The following ATF7IP2 variants were observed in gnomAD, a reference collection of about 807,000 sequenced individuals.
ATF7IP2 encodes the protein activating transcription factor 7-interacting protein 2.
A neutral mutation model predicts 64.2 loss-of-function variants in ATF7IP2; 42 were observed. The observed-to-expected ratio is 0.65, with a 90% CI of 0.51 to 0.85. The LOEUF (loss-of-function observed/expected upper bound fraction) is 0.85, where lower values mean the gene tolerates loss of function less well. Among genes scored for constraint, ATF7IP2 ranks in the 40% least tolerant of loss-of-function variants. ATF7IP2 has a pLI of 0.00. For synonymous variants in ATF7IP2, 308 were observed against 272.8 expected (o/e 1.13, Z -1.27); for missense variants, 933 against 784.2 (o/e 1.19, Z -2.27).
intron 9 of ATF7IP2, among the ~76,000 whole-genome samples, chr16:10,466,201 T>TATATA (rs2049563166): frequency 6.6e-6 from 1 of 152,268 alleles, no homozygotes; most frequent in South Asian, 2.1e-4. Flanking sequence ...TATTCATTGC[T>TATATA]ATATAATATC....
chr16:10,444,436 G>A (rs538883777), intron 8 of ATF7IP2, among the ~76,000 whole-genome samples: 1 of 152,202 alleles, frequency 6.6e-6, no homozygotes, highest in African/African-American at 2.4e-5. Context: ...TTTTGATGAG[G>A]ACGTAATCTC....
intron 1 of ATF7IP2, chr16:10,386,506 T>G (rs2047206948): frequency 6.6e-6 from 1 of 152,208 alleles, no homozygotes; most frequent in African/African-American, 2.4e-5. Context: ...CGGATAAATC[T>G]CCACCTCCAC....
rs937279856 is a variant in ATF7IP2 at position 10,423,920 on chromosome 16, C to T, written c.-160+4297C>T. ...GTTCCATGTTCTCCAGTCATTGTTCCGGCACACGCATAGAAATATAGAGTG... is the reference window on the plus strand; with the variant it reads ...GTTCCATGTTCTCCAGTCATTGTTCTGGCACACGCATAGAAATATAGAGTG... On this transcript the variant is annotated intron_variant, in intron 3 of 13. Coordinates refer to ENST00000562102, the MANE Select transcript of ATF7IP2 (RefSeq NM_001393719.1). Among the ~76,000 whole-genome samples, 9 of 152,224 alleles carry T rather than the reference C, an allele frequency of 5.9e-5. No individual in the cohort carries two copies. The South Asian group carries it at 6.2e-4, about 11-fold the overall frequency.
chr16:10,402,868 G>C (rs2047562084), intron 1 of ATF7IP2, among the ~76,000 whole-genome samples: 1 of 150,476 alleles, frequency 6.6e-6, no homozygotes, highest in African/African-American at 2.5e-5. Flanking sequence ...GAGGTGAGGA[G>C]TTCAAGACCA....
At chr16:10,463,590 C>T (rs543166936) in intron 9 of ATF7IP2, among the ~76,000 whole-genome samples, 1 of 152,284 alleles carries the variant, frequency 6.6e-6, no homozygotes, top group East Asian at 1.9e-4. Flanking sequence ...CTCTGACCCC[C>T]AGCCCTGGTC....
At chr16:10,438,618 G>T (rs973935817) in intron 7 of ATF7IP2, among the ~76,000 whole-genome samples, 1 of 152,092 alleles carries the variant, frequency 6.6e-6, no homozygotes, top group Admixed American at 6.6e-5. Context: ...AAAACAATAA[G>T]GGAAGACATA....
intron 6 of ATF7IP2, among the ~76,000 whole-genome samples, chr16:10,436,349 G>A (rs948308270): frequency 4.6e-5 from 7 of 151,912 alleles, no homozygotes; most frequent in South Asian, 2.1e-4. Context: ...GCAACAGAGC[G>A]AGACTCTGTC....
At position 10,389,200 on chromosome 16, in the gene ATF7IP2, T is replaced by A. The variant is rs570071699; in HGVS notation, c.-242+3078T>A. ...GGTTTATAAGAAGGTTCAGTTGATA[T>A]CTCCAGGAAAAGACAAACTACTGTG... On this transcript the variant is annotated intron_variant, in intron 1 of 13. Coordinates refer to ENST00000562102, the MANE Select transcript of ATF7IP2 (RefSeq NM_001393719.1). Among the ~76,000 whole-genome samples, 8 of 152,136 alleles carry A rather than the reference T, an allele frequency of 5.3e-5. No individual in the cohort carries two copies. In the East Asian group the frequency reaches 1.5e-3, roughly 29 times the overall value.
intron 1 of ATF7IP2, among the ~76,000 whole-genome samples, chr16:10,399,365 A>G (rs1351207591): frequency 1.3e-5 from 2 of 152,208 alleles, no homozygotes; most frequent in African/African-American, 4.8e-5. Context: ...ATTTTTAAGT[A>G]TGGTAACAGA....
At chr16:10,406,413 A>G (rs2047640911) in intron 1 of ATF7IP2, among the ~76,000 whole-genome samples, 2 of 152,166 alleles carry the variant, frequency 1.3e-5, no homozygotes, top group South Asian at 4.1e-4. Flanking sequence ...GCCAACCTAA[A>G]ATAATTAACC....
chr16:10,441,551 T>A (rs1044230027), intron 8 of ATF7IP2, among the ~76,000 whole-genome samples: 7 of 152,238 alleles, frequency 4.6e-5, no homozygotes, highest in Admixed American at 3.9e-4. Flanking sequence ...AAATGTCTTC[T>A]TTGGAGAAGT....
chr16:10,403,379 G>C (rs561202254), intron 1 of ATF7IP2, among the ~76,000 whole-genome samples: 1 of 152,038 alleles, frequency 6.6e-6, no homozygotes, highest in Non-Finnish European at 1.5e-5. Context: ...ACCACACTAA[G>C]GCTTTTTAGA....
chr16:10,387,312 G>A (rs1292747455), intron 1 of ATF7IP2: 1 of 152,172 alleles, frequency 6.6e-6, no homozygotes, highest in Non-Finnish European at 1.5e-5. Context: ...TTCTTAGCTC[G>A]TTTATTCTGC....
rs548569098 is a variant in ATF7IP2 at position 10,423,930 on chromosome 16, A to T, written c.-160+4307A>T. ...CTCCAGTCATTGTTCCGGCACACGC[A>T]TAGAAATATAGAGTGTGGAGCAGGA... On this transcript the variant is annotated intron_variant, in intron 3 of 13. Transcript: ENST00000562102. Among the ~76,000 whole-genome samples the T allele has an allele frequency of 2.6e-5, 4 of 152,350 alleles. No homozygotes were observed. In the East Asian group the frequency reaches 7.7e-4, roughly 29 times the overall value.
At chr16:10,411,355 T>TG (rs796214537) in intron 1 of ATF7IP2, among the ~76,000 whole-genome samples, 5 of 123,426 alleles carry the variant, frequency 4.1e-5, no homozygotes, top group East Asian at 2.5e-4. Flanking sequence ...CTTTTTGTTT[T>TG]TTTTTTTTTG....
intron 1 of ATF7IP2, among the ~76,000 whole-genome samples, chr16:10,408,728 T>C (rs1034562138): frequency 5.9e-5 from 9 of 152,238 alleles, no homozygotes; most frequent in Non-Finnish European, 1.2e-4. Context: ...CCTTGTAGAC[T>C]CTAGATATTA....
intron 7 of ATF7IP2, among the ~76,000 whole-genome samples, chr16:10,439,637 A>G (rs1330036309): frequency 2.1e-5 from 3 of 146,132 alleles, no homozygotes; most frequent in African/African-American, 7.6e-5. Flanking sequence ...GGTTCAAGCG[A>G]GTCTCCTGCC....
At chr16:10,431,827 T>C (rs1223343113) in intron 5 of ATF7IP2, among the ~76,000 whole-genome samples, 2 of 143,892 alleles carry the variant, frequency 1.4e-5, no homozygotes, top group Non-Finnish European at 3.0e-5. Context: ...TTTCTTTTTT[T>C]TTTTTTTTTT....
chr16:10,429,758 ATTAT>A (rs1429804181), intron 4 of ATF7IP2, among the ~76,000 whole-genome samples: 1 of 128,626 alleles, frequency 7.8e-6, no homozygotes, highest in Non-Finnish European at 1.7e-5. Context: ...ATTTTATTTT[ATTAT>A]TTTATTTTAT....
Sources: allele counts gnomAD v4.1 joint callset (sites outside exome capture counted in the v4.1 genomes callset), GRCh38; gene constraint gnomAD v4.1.1; transcripts MANE v1.5; gene names NCBI Gene and HGNC (gene_info 2026-07-23, HGNC 2026-07-21).